SORCS2: variants seen among roughly 807,000 people sequenced by gnomAD.
The protein encoded by SORCS2 is VPS10 domain-containing receptor SorCS2.
A neutral mutation model predicts 141.6 loss-of-function variants in SORCS2; 100 were observed. That is an observed-to-expected ratio of 0.71 (90% CI 0.60 to 0.83). The LOEUF (loss-of-function observed/expected upper bound fraction) is 0.83. SORCS2 is among the 40% of genes least tolerant of loss of function. SORCS2 has a pLI of 0.00. For synonymous variants in SORCS2, 789 were observed against 676.9 expected, an observed-to-expected ratio of 1.17 and a Z score of -2.57; for missense variants, 1,646 against 1,560.2, an observed-to-expected ratio of 1.05 and a Z score of -0.93.
At chr4:7,603,925 G>C (rs1025480303) in intron 3 of SORCS2, among the ~76,000 whole-genome samples, 1 of 152,264 alleles carries the variant, frequency 6.6e-6, no homozygotes, top group Admixed American at 6.5e-5. Flanking sequence ...ATCTTTGGGA[G>C]ATATTTTTAG....
chr4:7,362,523 C>T (rs79041922), intron 1 of SORCS2, among the ~76,000 whole-genome samples: 4,225 of 152,270 alleles, frequency 0.028, 210 homozygotes, highest in African/African-American at 0.095. Flanking sequence ...CCCATCTGGC[C>T]ATTGGACCAG....
At chr4:7,380,959 G>T (rs968871918) in intron 1 of SORCS2, among the ~76,000 whole-genome samples, 2 of 152,056 alleles carry the variant, frequency 1.3e-5, no homozygotes, top group African/African-American at 4.8e-5. Context: ...GCAGGTGCCT[G>T]TAGTCCCAGC....
intron 1 of SORCS2, among the ~76,000 whole-genome samples, chr4:7,197,032 C>T (rs1211049170): frequency 6.6e-6 from 1 of 152,196 alleles, no homozygotes; most frequent in East Asian, 1.9e-4. Context: ...GTGGCTGAAG[C>T]AACAGAAATG....
intron 14 of SORCS2, among the ~76,000 whole-genome samples, chr4:7,710,519 A>G (rs897260086): frequency 6.6e-6 from 1 of 152,188 alleles, no homozygotes; most frequent in African/African-American, 2.4e-5. Flanking sequence ...TCATTTCTTA[A>G]GTGAGAGAAG....
At chr4:7,544,090 A>C (rs1713060057) in intron 3 of SORCS2, among the ~76,000 whole-genome samples, 2 of 148,430 alleles carry the variant, frequency 1.3e-5, no homozygotes, top group African/African-American at 2.5e-5. Flanking sequence ...CCATCCATCC[A>C]CCCATGCATG....
chr4:7,513,261 G>A (rs1732773113), intron 2 of SORCS2, among the ~76,000 whole-genome samples: 1 of 152,226 alleles, frequency 6.6e-6, no homozygotes, highest in South Asian at 2.1e-4. Context: ...ATTAGACTGG[G>A]TTATTGCCGT....
rs749976702 is a variant in SORCS2, at chr4:7,396,332, G to A, written c.525G>A (p.Lys175=). ...LTKYYHADMG[K]VLESSLWRSS... is the part of the protein sequence containing the mutation. The stretch of plus-strand genomic sequence containing the variant: ...AGTACTACCACGCAGACATGGGGAA[G>A]GTTCTGGAAAGTTCTCTGTGGCGGT... Residue 175 remains lysine (K), a synonymous_variant, in exon 2 of 27, where the codon AAG becomes AAA. Coordinates refer to ENST00000507866, the MANE Select transcript of SORCS2 (RefSeq NM_020777.3). 13 of 1,613,862 alleles carry A rather than the reference G, an allele frequency of 8.1e-6. No individual in the cohort carries two copies. Among genetic ancestry groups the A allele is most frequent in the Non-Finnish European group, 9.3e-6 (11 of 1,179,890 alleles).
rs550615020 is a variant in SORCS2 at position 7,205,919 on chromosome 4, G to A, written c.480+12793G>A. ...AAATTAGCTGGGCATGGTGGCAGAC[G>A]CCTATAATCCCAGCTACCCGGGAGG... On this transcript the variant is annotated intron_variant, in intron 1 of 26. Coordinates refer to ENST00000507866, the MANE Select transcript of SORCS2 (RefSeq NM_020777.3). 1.2e-4 allele frequency among the ~76,000 whole-genome samples: 19 copies of A among 152,250 alleles called. No individual in the cohort carries two copies. The South Asian group carries it at 3.3e-3, about 27-fold the overall frequency.
intron 4 of SORCS2, among the ~76,000 whole-genome samples, chr4:7,647,527 C>G (rs1418627289): frequency 6.6e-6 from 1 of 152,164 alleles, no homozygotes; most frequent in South Asian, 2.1e-4. Flanking sequence ...AGGGCCCTGT[C>G]TGCTTTTCTT....
At chr4:7,629,040 G>A (rs1451450028) in intron 3 of SORCS2, among the ~76,000 whole-genome samples, 2 of 152,140 alleles carry the variant, frequency 1.3e-5, no homozygotes, top group Admixed American at 6.5e-5. Context: ...TGTGGGTTAG[G>A]AGGAGCTGGT....
At position 7,406,192 on chromosome 4, in the gene SORCS2, G is replaced by GA. The variant is rs372982008; in HGVS notation, c.548+9837_548+9838insA. Among the ~76,000 whole-genome samples, 122 of 150,854 alleles carry GA rather than the reference G, an allele frequency of 8.1e-4. 1 individual carries two copies. Among genetic ancestry groups the GA allele is most frequent in the African/African-American group, 2.8e-3 (117 of 41,134 alleles). On this transcript the variant is annotated intron_variant, in intron 2 of 26. Coordinates refer to ENST00000507866, the MANE Select transcript of SORCS2 (RefSeq NM_020777.3). Reference sequence around the variant, plus strand: ...GGATCATTATTCATATTGACCTGTCGTTTTTTTTTGTTGTGTCCTTTTCTG... The same window carrying GA: ...GGATCATTATTCATATTGACCTGTCGATTTTTTTTTGTTGTGTCCTTTTCTG...
intron 2 of SORCS2, among the ~76,000 whole-genome samples, chr4:7,396,573 G>A (rs1236999297): frequency 6.6e-6 from 1 of 152,224 alleles, no homozygotes. Flanking sequence ...ATAGACAACT[G>A]TTCAGAAAGC....
At chr4:7,289,247 C>G (rs1407507734) in intron 1 of SORCS2, among the ~76,000 whole-genome samples, 1 of 152,128 alleles carries the variant, frequency 6.6e-6, no homozygotes, top group African/African-American at 2.4e-5. Context: ...GTCTCTCTAC[C>G]TGGAAGACCC....
intron 1 of SORCS2, among the ~76,000 whole-genome samples, chr4:7,374,162 T>TCTTTCTTTCTTTCTTC (rs1560229375): frequency 5.4e-5 from 8 of 147,860 alleles, no homozygotes; most frequent in African/African-American, 1.8e-4. Flanking sequence ...TTTCTTTCTT[T>TCTTTCTTTCTTTCTTC]CTTTCTTTCT....
At chr4:7,431,047 G>C (rs1726814820) in intron 2 of SORCS2, 1 of 152,342 alleles carries the variant, frequency 6.6e-6, no homozygotes, top group African/African-American at 2.4e-5. Flanking sequence ...CTGAGACCCT[G>C]CCACAGGCCT....
At chr4:7,591,807 G>T (rs963214902) in intron 3 of SORCS2, among the ~76,000 whole-genome samples, 40 of 152,304 alleles carry the variant, frequency 2.6e-4, no homozygotes, top group African/African-American at 9.6e-4. Flanking sequence ...CGTCAGGGGT[G>T]CCCGCCGCAC....
At chr4:7,295,402 C>A (rs544104655) in intron 1 of SORCS2, among the ~76,000 whole-genome samples, 92 of 152,000 alleles carry the variant, frequency 6.1e-4, no homozygotes, top group Middle Eastern at 6.8e-3. Flanking sequence ...GGGTGCGTTG[C>A]TACTGGGCTT....
At chr4:7,371,258 C>T (rs113842075) in intron 1 of SORCS2, among the ~76,000 whole-genome samples, 7 of 152,172 alleles carry the variant, frequency 4.6e-5, no homozygotes, top group East Asian at 1.9e-4. Context: ...GCATCGGGCC[C>T]GTCCCGCAGC....
At chr4:7,553,360 T>C (rs921216331) in intron 3 of SORCS2, among the ~76,000 whole-genome samples, 1 of 152,144 alleles carries the variant, frequency 6.6e-6, no homozygotes, top group Non-Finnish European at 1.5e-5. Flanking sequence ...ACATTCTGTA[T>C]AAAAGATAAA....
Sources: allele counts gnomAD v4.1 joint callset (sites outside exome capture counted in the v4.1 genomes callset), GRCh38; gene constraint gnomAD v4.1.1; transcripts MANE v1.5; gene names NCBI Gene and HGNC (gene_info 2026-07-23, HGNC 2026-07-21).